Variants in U2SURP observed in about 807,000 individuals in gnomAD.
The protein encoded by U2SURP is U2 snRNP-associated SURP motif-containing protein.
A neutral mutation model predicts 144.9 loss-of-function variants in U2SURP; 9 were observed. The ratio of observed to expected loss-of-function variants is 0.06; its 90% CI spans 0.04 to 0.11. The LOEUF is 0.11. Among genes scored for constraint, U2SURP ranks in the 10% least tolerant of loss-of-function variants. U2SURP has a pLI of 1.00. For synonymous variants in U2SURP, 408 were observed against 396.8 expected (o/e 1.03, Z -0.33); for missense variants, 724 against 1,226.7 (o/e 0.59, Z 6.12).
intron 16 of U2SURP, 51 bp from the exon 17 acceptor site, chr3:143,032,733 G>T: frequency 2.0e-6 from 3 of 1,483,850 alleles, no homozygotes; most frequent in Non-Finnish European, 2.8e-6. Context: ...AGCTACAATG[G>T]CATTTGAAAT....
chr3:143,003,375 A>G (rs1422037637), intron 1 of U2SURP, among the ~76,000 whole-genome samples: 2 of 152,204 alleles, frequency 1.3e-5, no homozygotes, highest in East Asian at 3.9e-4. Flanking sequence ...TCAAATCCTG[A>G]CTTGGTAATT....
intron 1 of U2SURP, among the ~76,000 whole-genome samples, chr3:143,008,617 T>A (rs1046900433): frequency 2.9e-4 from 44 of 152,282 alleles, no homozygotes; most frequent in African/African-American, 1.1e-3. Flanking sequence ...ACTGGATTTT[T>A]CTCGAAGTTT....
intron 24 of U2SURP, among the ~76,000 whole-genome samples, chr3:143,049,905 A>T (rs1226976608): frequency 6.6e-6 from 1 of 152,180 alleles, no homozygotes; most frequent in African/African-American, 2.4e-5. Context: ...ATCCATTGCC[A>T]GTATATAAGT....
intron 26 of U2SURP, among the ~76,000 whole-genome samples, 161 bp from the exon 27 acceptor site, chr3:143,054,782 T>C (rs1029408024): frequency 8.5e-5 from 13 of 152,222 alleles, no homozygotes; most frequent in African/African-American, 7.2e-5. Flanking sequence ...TTAACACTTA[T>C]TTGTTCTTGT....
Position 143,012,190 on chromosome 3 carries a change from T to G in U2SURP, c.91-32T>G, listed in dbSNP as rs753616605. ...GCTATATATGTATATATGTGTGGTTTGTTTTTTTCTCTTGTTTTACTTTTC... is the reference window on the plus strand; with the variant it reads ...GCTATATATGTATATATGTGTGGTTGGTTTTTTTCTCTTGTTTTACTTTTC... On this transcript the variant is annotated intron_variant, in intron 2 of 27. Coordinates refer to ENST00000473835, the MANE Select transcript of U2SURP (RefSeq NM_001080415.2). 6.9e-6 allele frequency: 11 copies of G among 1,601,842 alleles called. No individual in the cohort carries two copies. In the Admixed American group the frequency reaches 1.0e-4, roughly 15 times the overall value.
In U2SURP at chr3:143,027,230, A is replaced by G; in HGVS notation, c.1356A>G (p.Arg452=). 6.2e-7 allele frequency: 1 copy of G among 1,612,784 alleles called. No individual in the cohort carries two copies. The highest frequency in any genetic ancestry group is 8.5e-7 in the Non-Finnish European group (1 of 1,178,980). Residue 452 remains arginine (R), a synonymous_variant, in exon 14 of 28, where the codon AGA becomes AGG. Coordinates refer to ENST00000473835, the MANE Select transcript of U2SURP (RefSeq NM_001080415.2). ...GPMFEAMIMN[R]EINNPMFRFL... is the part of the protein sequence containing the mutation. ...TGTTTGAAGCTATGATTATGAACAG[A>G]GAAATCAACAATCCTATGTTCAGGT... is the stretch of plus-strand genomic sequence containing the variant.
At chr3:143,002,352 C>G (rs1053032985) in intron 1 of U2SURP, 2 of 152,378 alleles carry the variant, frequency 1.3e-5, no homozygotes, top group Admixed American at 1.3e-4. Flanking sequence ...AAGAGAAGCT[C>G]CGTAGACTTG....
chr3:143,033,852 A>AT lies in U2SURP; in HGVS notation c.1853+508dup, dbSNP rs530825782. 2.1e-3 allele frequency among the ~76,000 whole-genome samples: 318 copies of AT among 152,202 alleles called. 2 individuals carry two copies. Among genetic ancestry groups the AT allele is most frequent in the African/African-American group, 7.3e-3 (302 of 41,534 alleles). Reference sequence around the variant, plus strand: ...GGCTTACACTTAAGCTAAATTACCAATTTTTTGGAAAGATTTTATATCATA... The same window carrying AT: ...GGCTTACACTTAAGCTAAATTACCAATTTTTTTGGAAAGATTTTATATCATA... On this transcript the variant is annotated intron_variant, in intron 18 of 27. Transcript: ENST00000473835.
chr3:143,021,344 T>C lies in U2SURP; in HGVS notation c.734-6T>C, dbSNP rs754627329. 14 of 1,590,666 alleles carry C rather than the reference T, an allele frequency of 8.8e-6. No homozygotes were observed. In the East Asian group the frequency reaches 3.2e-4, roughly 36 times the overall value. On this transcript the variant is annotated splice_polypyrimidine_tract_variant and splice_region_variant and intron_variant, in intron 8 of 27. Transcript: ENST00000473835. ...CTAATAATTGTCTTCTTTTCTCCCC[T>C]TTAAGTGGACGCGCCTTCAAGAAGA... is the stretch of plus-strand genomic sequence containing the variant.
chr3:143,021,686 A>C, intron 10 of U2SURP, 131 bp downstream of exon 10: 1 of 855,348 alleles, frequency 1.2e-6, no homozygotes, highest in South Asian at 1.8e-5. Flanking sequence ...GAGTTGTCTT[A>C]CTGGTATGGC....
intron 1 of U2SURP, among the ~76,000 whole-genome samples, chr3:143,005,575 A>G (rs1439730065): frequency 6.6e-6 from 1 of 152,166 alleles, no homozygotes; most frequent in Non-Finnish European, 1.5e-5. Flanking sequence ...CATTTTCTCG[A>G]TTGATAACTT....
rs775262713 is a variant in U2SURP at position 143,056,364 on chromosome 3, TCTC to T, written c.3007_3009del (p.Pro1003del). 6.2e-7 allele frequency: 1 copy of T among 1,612,410 alleles called. No individual in the cohort carries two copies. Among genetic ancestry groups the T allele is most frequent in the South Asian group, 1.1e-5 (1 of 90,838 alleles). The stretch of plus-strand genomic sequence containing the variant: ...AAGGTCTAGGCGATCACGGTCTAGA[TCTC>T]CTAAAAAATCAGGAAAGAAGTCCAG... On this transcript the variant is annotated inframe_deletion, in exon 28 of 28. Coordinates refer to ENST00000473835, the MANE Select transcript of U2SURP (RefSeq NM_001080415.2).
chr3:143,018,175 C>G (rs1936464279), intron 6 of U2SURP, among the ~76,000 whole-genome samples: 1 of 152,132 alleles, frequency 6.6e-6, no homozygotes. Context: ...AAAGAAATCC[C>G]TACCCATTAT....
At chr3:143,042,135 GA>G (rs1314411340) in intron 23 of U2SURP, among the ~76,000 whole-genome samples, 1 of 152,068 alleles carries the variant, frequency 6.6e-6, no homozygotes, top group East Asian at 1.9e-4. Flanking sequence ...CTTCTGGAAG[GA>G]CAGGAGAATT....
intron 3 of U2SURP, among the ~76,000 whole-genome samples, 186 bp from the exon 4 acceptor site, chr3:143,014,125 G>A (rs1235472773): frequency 6.6e-6 from 1 of 150,994 alleles, no homozygotes; most frequent in Non-Finnish European, 1.5e-5. Flanking sequence ...ATTCTTTGAT[G>A]AATACTTAAC....
chr3:143,053,852 T>G, intron 26 of U2SURP, 58 bp downstream of exon 26: 1 of 1,345,122 alleles, frequency 7.4e-7, no homozygotes, highest in East Asian at 2.5e-5. Context: ...CAGTGGTGTT[T>G]TATAATACTT....
At chr3:143,011,827 AAAAT>A in intron 2 of U2SURP, 1 of 396,074 alleles carries the variant, frequency 2.5e-6, no homozygotes, top group South Asian at 1.9e-5. Context: ...TATGCTTACC[AAAAT>A]GTGATGTTTG....
At position 143,017,170 on chromosome 3, in the gene U2SURP, T is replaced by G. The variant is rs562040938; in HGVS notation, c.570+195T>G. Reference sequence around the variant, plus strand: ...AATTGGGACACGTAGATGATATTCTTTTTATGCTTTTTGAGCAGTGAACAT... The same window carrying G: ...AATTGGGACACGTAGATGATATTCTGTTTATGCTTTTTGAGCAGTGAACAT... On this transcript the variant is annotated intron_variant, in intron 6 of 27. Coordinates refer to ENST00000473835, the MANE Select transcript of U2SURP (RefSeq NM_001080415.2). 7.0e-6 allele frequency: 3 copies of G among 430,362 alleles called. No homozygotes were observed. The South Asian group carries it at 2.7e-4, about 39-fold the overall frequency. The allele number at this position is 430,362 out of a possible 1,614,324, so 26.7% of individuals were successfully genotyped here.
chr3:143,040,542 G>A (rs1329283189), intron 23 of U2SURP, among the ~76,000 whole-genome samples: 3 of 151,684 alleles, frequency 2.0e-5, no homozygotes, highest in Non-Finnish European at 4.4e-5. Context: ...ATTGTGATTC[G>A]TGGCAGAAAT....
Sources: allele counts gnomAD v4.1 joint callset (sites outside exome capture counted in the v4.1 genomes callset), GRCh38; gene constraint gnomAD v4.1.1; transcripts MANE v1.5; gene names NCBI Gene and HGNC (gene_info 2026-07-23, HGNC 2026-07-21).